The following CCDC141 variants were observed in gnomAD, a reference collection of about 807,000 sequenced individuals.
CCDC141 encodes coiled-coil domain-containing protein 141.
Under a neutral mutation model 181.0 loss-of-function variants are expected in CCDC141, and 168 were observed. The observed-to-expected ratio is 0.93, with a 90% confidence interval of 0.82 to 1.05. The LOEUF (loss-of-function observed/expected upper bound fraction) is 1.05. Among genes scored for constraint, CCDC141 ranks in the 50% least tolerant of loss-of-function variants. CCDC141 has a pLI of 0.00. For missense variants in CCDC141, 1,902 were observed against 1,788.5 expected (o/e 1.06, Z -1.14); for synonymous variants, 666 against 642.3 (o/e 1.04, Z -0.56).
chr2:178,820,036 C>T, the CCDC141 span, among the ~76,000 whole-genome samples: 1 of 152,174 alleles, frequency 6.6e-6, no homozygotes, highest in East Asian at 1.9e-4. Context: ...AAGCACACCA[C>T]TGATACTTCC....
At chr2:178,815,335 A>T in the CCDC141 span, among the ~76,000 whole-genome samples, 2 of 152,196 alleles carry the variant, frequency 1.3e-5, no homozygotes, top group African/African-American at 4.8e-5. Flanking sequence ...GGACTTCCTA[A>T]TTGCTTATTA....
At chr2:178,931,464 T>G (rs1234117578) in intron 6 of CCDC141, among the ~76,000 whole-genome samples, 1 of 152,180 alleles carries the variant, frequency 6.6e-6, no homozygotes, top group Non-Finnish European at 1.5e-5. Context: ...AGGTGGTATA[T>G]CCATACAATG....
At chr2:179,015,421 C>G (rs1486699038) in intron 2 of CCDC141, among the ~76,000 whole-genome samples, 2 of 134,486 alleles carry the variant, frequency 1.5e-5, no homozygotes, top group East Asian at 4.5e-4. Context: ...TACCATATAT[C>G]TCATATATGT....
intron 7 of CCDC141, among the ~76,000 whole-genome samples, chr2:178,906,692 G>A (rs1333611324): frequency 1.3e-5 from 2 of 152,120 alleles, no homozygotes; most frequent in Admixed American, 6.5e-5. Flanking sequence ...CAGTAGAGCA[G>A]GAAGACCCCA....
intron 21 of CCDC141, among the ~76,000 whole-genome samples, chr2:178,848,587 C>T (rs547011349): frequency 6.6e-6 from 1 of 152,176 alleles, no homozygotes; most frequent in Admixed American, 6.5e-5. Flanking sequence ...GGAAGAATAG[C>T]CATCAAGGTA....
chr2:178,885,743 T>C (rs1463003558), intron 10 of CCDC141, among the ~76,000 whole-genome samples: 2 of 152,174 alleles, frequency 1.3e-5, no homozygotes, highest in African/African-American at 4.8e-5. Flanking sequence ...ATTATGCATG[T>C]CATAGAAAGA....
intron 2 of CCDC141, among the ~76,000 whole-genome samples, chr2:179,042,597 C>G (rs1046357541): frequency 6.6e-6 from 1 of 152,226 alleles, no homozygotes; most frequent in Non-Finnish European, 1.5e-5. Flanking sequence ...ATCCACCCAC[C>G]TTGGCCTGCC....
intron 2 of CCDC141, among the ~76,000 whole-genome samples, chr2:179,021,567 G>A (rs1445625474): frequency 6.6e-6 from 1 of 152,138 alleles, no homozygotes; most frequent in East Asian, 1.9e-4. Flanking sequence ...TTAATTTTCA[G>A]GGGCTCCTGT....
chr2:178,950,116 CTTGCTGAATAACCAGGTTCTA>C (rs1214697091), intron 5 of CCDC141, among the ~76,000 whole-genome samples: 1 of 152,216 alleles, frequency 6.6e-6, no homozygotes, highest in African/African-American at 2.4e-5. Context: ...ATGTGCAGAA[CTTGCTGAATAACCAGGTTCTA>C]TTAAGTACAA....
intron 2 of CCDC141, among the ~76,000 whole-genome samples, chr2:179,015,721 CAT>C (rs1381444895): frequency 1.5e-5 from 2 of 134,110 alleles, no homozygotes; most frequent in African/African-American, 5.5e-5. Context: ...ATACATATCT[CAT>C]ATATATCTCA....
chr2:179,040,173 A>G (rs933195217), intron 2 of CCDC141, among the ~76,000 whole-genome samples: 1 of 152,186 alleles, frequency 6.6e-6, no homozygotes, highest in Non-Finnish European at 1.5e-5. Context: ...GGAGACTGGC[A>G]CATTGTGGTA....
At chr2:179,022,433 A>G (rs2042715556) in intron 2 of CCDC141, among the ~76,000 whole-genome samples, 1 of 152,114 alleles carries the variant, frequency 6.6e-6, no homozygotes, top group South Asian at 2.1e-4. Flanking sequence ...TCACAGGATG[A>G]AGCCAAAGCC....
At chr2:179,038,926 A>G (rs1163625981) in intron 2 of CCDC141, among the ~76,000 whole-genome samples, 1 of 152,194 alleles carries the variant, frequency 6.6e-6, no homozygotes, top group East Asian at 1.9e-4. Context: ...AGATGTTAAG[A>G]AGAACATTCT....
At position 179,029,544 on chromosome 2, in the gene CCDC141, C is replaced by T. The variant is rs2042947628; in HGVS notation, c.225+17740G>A. On this transcript the variant is annotated intron_variant, in intron 2 of 23. Transcript: ENST00000443758. ...TCAAGGGGGTAAAAACTTTATTTTG[C>T]AATATTTCATATCCACAATCCTTTG... 2.0e-5 allele frequency among the ~76,000 whole-genome samples: 3 copies of T among 152,218 alleles called. No homozygotes were observed. The South Asian group carries it at 6.2e-4, about 32-fold the overall frequency.
At chr2:178,993,106 A>G (rs1692134506) in intron 2 of CCDC141, among the ~76,000 whole-genome samples, 1 of 152,168 alleles carries the variant, frequency 6.6e-6, no homozygotes, top group East Asian at 1.9e-4. Flanking sequence ...ATTCTAAAAT[A>G]AAGGAAACAC....
intron 4 of CCDC141, among the ~76,000 whole-genome samples, chr2:178,962,440 T>A (rs1174388370): frequency 6.6e-6 from 1 of 152,204 alleles, no homozygotes; most frequent in Non-Finnish European, 1.5e-5. Flanking sequence ...GGCATCTGTC[T>A]ACTTCTCTCT....
At chr2:178,824,865 T>C (rs1684095781), downstream of CCDC141, among the ~76,000 whole-genome samples, 1 of 152,128 alleles carries the variant, frequency 6.6e-6, no homozygotes, top group South Asian at 2.1e-4. Flanking sequence ...CTGGATGGGG[T>C]CTTTACAGTG....
chr2:178,926,995 C>T (rs921523711), intron 6 of CCDC141, among the ~76,000 whole-genome samples: 13 of 152,036 alleles, frequency 8.6e-5, no homozygotes, highest in Admixed American at 8.5e-4. Flanking sequence ...TGTCTATATG[C>T]CCATGTGGTT....
chr2:178,915,000 T>C (rs545803497), intron 7 of CCDC141, among the ~76,000 whole-genome samples: 1 of 152,054 alleles, frequency 6.6e-6, no homozygotes, highest in South Asian at 2.1e-4. Flanking sequence ...CTGAGCAACA[T>C]GGCAAAATCC....
Sources: gnomAD v4.1 joint callset for allele counts (sites outside exome capture counted in the v4.1 genomes callset) on GRCh38, gnomAD v4.1.1 for gene constraint, MANE v1.5 for transcripts, NCBI Gene and HGNC (gene_info 2026-07-23, HGNC 2026-07-21) for gene names.